STRBP: variants seen among roughly 807,000 people sequenced by gnomAD.
STRBP encodes the protein spermatid perinuclear RNA binding protein.
STRBP carries 13 observed loss-of-function variants against 80.1 expected under a neutral mutation model. The ratio of observed to expected loss-of-function variants is 0.16; its 90% confidence interval spans 0.11 to 0.26. STRBP has a LOEUF of 0.26. Ranked by LOEUF, STRBP falls within the 10% of genes least tolerant of loss-of-function variation. STRBP has a pLI of 1.00. For synonymous variants in STRBP, 284 were observed against 291.2 expected (o/e 0.98, Z 0.25); for missense variants, 485 against 815.2 (o/e 0.59, Z 4.93).
At chr9:123,267,939 T>G (rs913976005) in intron 1 of STRBP, among the ~76,000 whole-genome samples, 7 of 121,684 alleles carry the variant, frequency 5.8e-5, no homozygotes, top group African/African-American at 1.9e-4. Flanking sequence ...CCCCCAAACC[T>G]GCCTGAAGGC....
intron 2 of STRBP, among the ~76,000 whole-genome samples, chr9:123,224,704 T>C (rs2040179982): frequency 6.6e-6 from 1 of 152,188 alleles, no homozygotes; most frequent in East Asian, 1.9e-4. Context: ...CAAAGTCCTA[T>C]TGAAAACAGA....
chr9:123,166,502 C>T (rs1225575722), intron 6 of STRBP, among the ~76,000 whole-genome samples: 2 of 152,170 alleles, frequency 1.3e-5, no homozygotes, highest in African/African-American at 4.8e-5. Flanking sequence ...TGGCTCACAC[C>T]TAGCAGTTTG....
chr9:123,253,240 C>A (rs985726450), intron 1 of STRBP, among the ~76,000 whole-genome samples: 1 of 152,186 alleles, frequency 6.6e-6, no homozygotes, highest in African/African-American at 2.4e-5. Flanking sequence ...ATGTCAGAAG[C>A]TACATTGCCA....
chr9:123,152,516 C>G (rs926704998), intron 11 of STRBP, among the ~76,000 whole-genome samples: 1 of 152,080 alleles, frequency 6.6e-6, no homozygotes, highest in Non-Finnish European at 1.5e-5. Context: ...TAAACTCTAG[C>G]TCATTCATAC....
intron 1 of STRBP, among the ~76,000 whole-genome samples, chr9:123,237,553 C>T (rs1226896790): frequency 1.3e-5 from 2 of 151,782 alleles, no homozygotes; most frequent in African/African-American, 4.8e-5. Context: ...ATTTCTTACC[C>T]TGTGCTTCCA....
At chr9:123,252,191 T>C (rs185281047) in intron 1 of STRBP, among the ~76,000 whole-genome samples, 6 of 152,264 alleles carry the variant, frequency 3.9e-5, no homozygotes, top group African/African-American at 1.2e-4. Context: ...TGCAGGACAG[T>C]ATACAGATGA....
At chr9:123,155,054 T>C (rs780824416) in intron 11 of STRBP, among the ~76,000 whole-genome samples, 4 of 152,070 alleles carry the variant, frequency 2.6e-5, no homozygotes, top group African/African-American at 4.8e-5. Context: ...GGGGATGTGA[T>C]AGTGGGTAAG....
At chr9:123,188,404 G>C (rs899023992) in intron 2 of STRBP, among the ~76,000 whole-genome samples, 6 of 152,138 alleles carry the variant, frequency 3.9e-5, no homozygotes, top group Non-Finnish European at 7.3e-5. Context: ...CAGTCTGGGA[G>C]CCCGAGGCAG....
At chr9:123,175,916 C>T (rs1337684759) in intron 4 of STRBP, among the ~76,000 whole-genome samples, 1 of 152,226 alleles carries the variant, frequency 6.6e-6, no homozygotes, top group Non-Finnish European at 1.5e-5. Context: ...CACTTGGACA[C>T]TTACCATATT....
intron 11 of STRBP, 120 bp from the exon 12 acceptor site, chr9:123,147,990 T>G (rs2036892100): frequency 1.3e-6 from 1 of 793,500 alleles, no homozygotes; most frequent in Non-Finnish European, 1.9e-6. Flanking sequence ...CCATACAACT[T>G]TTTCACTGAT....
chr9:123,205,513 T>C (rs574227689), intron 2 of STRBP, among the ~76,000 whole-genome samples: 14 of 152,280 alleles, frequency 9.2e-5, no homozygotes, highest in African/African-American at 3.1e-4. Flanking sequence ...GAATCTGCAA[T>C]CCAGTTATAA....
At chr9:123,187,328 C>T (rs865987921) in intron 2 of STRBP, among the ~76,000 whole-genome samples, 2 of 151,248 alleles carry the variant, frequency 1.3e-5, no homozygotes, top group African/African-American at 4.9e-5. Context: ...AGTCAAGTAC[C>T]AGCTTTGTCA....
chr9:123,138,093 T>C (rs2036436790), intron 14 of STRBP, among the ~76,000 whole-genome samples: 1 of 152,178 alleles, frequency 6.6e-6, no homozygotes, highest in Non-Finnish European at 1.5e-5. Flanking sequence ...AGGGCTTTGT[T>C]TTCTCCTTCC....
At chr9:123,116,332 C>T (rs1564204939) in intron 2 of STRBP, among the ~76,000 whole-genome samples, 1 of 152,168 alleles carries the variant, frequency 6.6e-6, no homozygotes. Flanking sequence ...ATCCCCTGTC[C>T]TCCTTCCCAC....
Position 123,186,912 on chromosome 9 carries a change from A to G in STRBP, c.-164-2614T>C, listed in dbSNP as rs115364195. 7.3e-3 allele frequency among the ~76,000 whole-genome samples: 1,099 copies of G among 151,450 alleles called. 12 individuals carry two copies. The highest frequency in any genetic ancestry group is 0.025 in the African/African-American group (1,042 of 41,328). ...AAACTAACTTTGCTAGTTAATAGCT[A>G]TATGACCTTAGAAGTTATGTGACTC... On this transcript the variant is annotated intron_variant, in intron 2 of 18. Transcript: ENST00000348403.
In STRBP at chr9:123,115,786, G is replaced by A; in HGVS notation, c.*84+143C>T. 1 of 344,722 alleles carries A rather than the reference G, an allele frequency of 2.9e-6. No individual in the cohort carries two copies. The highest frequency in any genetic ancestry group is 5.7e-6 in the Non-Finnish European group (1 of 174,740). The allele number at this position is 344,722 out of a possible 1,614,324, so 21.4% of individuals were successfully genotyped here. A position where few individuals can be genotyped will look rare whatever the true frequency, so the allele number is the denominator to read the frequency against. Reference sequence around the variant, plus strand: ...AACATGCTGGTTACAGGGAGCTCATGTCGCACCTCAGCTGCTCTCTCAAGG... The same window carrying A: ...AACATGCTGGTTACAGGGAGCTCATATCGCACCTCAGCTGCTCTCTCAAGG... On this transcript the variant is annotated intron_variant and NMD_transcript_variant, in intron 3 of 3. Transcript: ENST00000471564. The surrounding 1 kb of genome is among the most constrained non-coding windows in gnomAD (Gnocchi z 5.0).
intron 2 of STRBP, among the ~76,000 whole-genome samples, chr9:123,214,069 T>C (rs2039807222): frequency 6.6e-6 from 1 of 150,474 alleles, no homozygotes; most frequent in Non-Finnish European, 1.5e-5. Context: ...TTCACAAAAT[T>C]GCAAAAATGT....
chr9:123,168,689 T>A (rs2037875968), intron 6 of STRBP, among the ~76,000 whole-genome samples: 1 of 152,204 alleles, frequency 6.6e-6, no homozygotes, highest in African/African-American at 2.4e-5. Context: ...GAGTCCCCAC[T>A]GGCCCAGATA....
intron 6 of STRBP, among the ~76,000 whole-genome samples, chr9:123,168,447 C>A (rs190392863): frequency 3.4e-4 from 52 of 152,226 alleles, no homozygotes; most frequent in Middle Eastern, 6.8e-3. Flanking sequence ...TTTTAGTTAT[C>A]CCAAAAAGCA....
Sources: allele counts gnomAD v4.1 joint callset (sites outside exome capture counted in the v4.1 genomes callset), GRCh38; gene constraint gnomAD v4.1.1; non-coding constraint Gnocchi (gnomAD v3.1); transcripts MANE v1.5; gene names NCBI Gene and HGNC (gene_info 2026-07-23, HGNC 2026-07-21).